SNIP1: variants seen among roughly 807,000 people sequenced by gnomAD.
SNIP1 encodes the protein Smad nuclear interacting protein 1.
SNIP1 carries 23 observed loss-of-function variants against 37.4 expected under a neutral mutation model. The ratio of observed to expected loss-of-function variants is 0.61; its 90% CI spans 0.44 to 0.87. The LOEUF is 0.87. Among genes scored for constraint, SNIP1 ranks in the 40% least tolerant of loss-of-function variants. SNIP1 has a pLI of 0.00. For synonymous variants in SNIP1, 174 were observed against 200.0 expected (o/e 0.87, Z 1.10); for missense variants, 459 against 540.4 (o/e 0.85, Z 1.49).
intron 2 of SNIP1, among the ~76,000 whole-genome samples, chr1:37,550,422 T>C (rs1166588978): frequency 6.6e-6 from 1 of 152,190 alleles, no homozygotes; most frequent in East Asian, 1.9e-4. Flanking sequence ...AGGCAAAAGA[T>C]AGCTGGGCAT....
At position 37,554,224 on chromosome 1, in the gene SNIP1, C is replaced by A; in HGVS notation, c.6G>T (p.Lys2Asn). The A allele has an allele frequency of 6.3e-7, 1 of 1,597,038 alleles. No individual in the cohort carries two copies. The highest frequency in any genetic ancestry group is 2.2e-5 in the East Asian group (1 of 44,636). Reference sequence around the variant, plus strand: ...CTCGCTCCCGTTCGCTCTTCACCGCCTTCATTCTGTGATTTTGGCTGGGCG... The same window carrying A: ...CTCGCTCCCGTTCGCTCTTCACCGCATTCATTCTGTGATTTTGGCTGGGCG... M[K>N]AVKSERERGS... Residue 2 changes from lysine (K) to asparagine (N), a missense_variant, in exon 1 of 4, where the codon AAG (lysine) becomes AAT (asparagine). Lys to Asn is a moderately conservative substitution (Grantham distance 94). Transcript: ENST00000296215.
At chr1:37,552,598 GA>G (rs1197430366) in intron 2 of SNIP1, 46 bp downstream of exon 2, 1 of 1,461,528 alleles carries the variant, frequency 6.8e-7, no homozygotes, top group East Asian at 2.3e-5. Context: ...GCTGTGATAG[GA>G]AAAGGCTCTC....
At position 37,552,697 on chromosome 1, in the gene SNIP1, G is replaced by A. The variant is rs763619535; in HGVS notation, c.275C>T (p.Pro92Leu). 3 of 1,614,040 alleles carry A rather than the reference G, an allele frequency of 1.9e-6. No homozygotes were observed. The highest frequency in any genetic ancestry group is 2.7e-5 in the African/African-American group (2 of 74,912). The change falls in exon 2 of 4, where the codon CCT (proline) becomes CTT (leucine). Residue 92 changes from proline to leucine, a missense_variant. Physicochemically the swap from Pro to Leu is moderately conservative, Grantham distance 98. Coordinates refer to ENST00000296215, the MANE Select transcript of SNIP1 (RefSeq NM_024700.4). ...AGGACTTCGGTTTCTCTTACTGCGA[G>A]GAGACTTGCTTCTTCTCCCTGAGGC... ...NKASGRRSKSPRSKRNRSPHH... is the reference protein window; with the variant it reads ...NKASGRRSKSLRSKRNRSPHH...
intron 2 of SNIP1, chr1:37,541,268 CAT>C (rs1241453585): frequency 2.0e-5 from 3 of 151,816 alleles, no homozygotes; most frequent in Non-Finnish European, 4.4e-5. Context: ...ACATGAAAGA[CAT>C]ATAAGAAGAA....
In SNIP1 at chr1:37,536,684, T is replaced by C. The variant is rs576385963; in HGVS notation, c.*1064A>G. The C allele has an allele frequency of 3.3e-5, 5 of 152,468 alleles. No homozygotes were observed. The South Asian group carries it at 1.0e-3, about 32-fold the overall frequency. 9.4% of individuals were successfully genotyped at this position (152,468 alleles called of 1,614,324 possible). A position where few individuals can be genotyped will look rare whatever the true frequency, so the allele number is the denominator to read the frequency against. On this transcript the variant is annotated 3_prime_UTR_variant, in exon 4 of 4. Transcript: ENST00000296215. ...CACACAATTTACATATATACATACA[T>C]ACACACTATATGTAAGCAGCAAATA...
intron 2 of SNIP1, chr1:37,548,883 AT>A (rs1442838535): frequency 6.6e-6 from 1 of 152,540 alleles, no homozygotes; most frequent in Non-Finnish European, 1.5e-5. Flanking sequence ...TCCCACCATG[AT>A]TGTGAGGCCT....
At chr1:37,543,822 C>A (rs1643198800) in intron 2 of SNIP1, among the ~76,000 whole-genome samples, 1 of 151,702 alleles carries the variant, frequency 6.6e-6, no homozygotes, top group Non-Finnish European at 1.5e-5. Flanking sequence ...TGGAAACAAG[C>A]CACTGAGCAT....
rs1204413463 is a variant in SNIP1 at position 37,534,782 on chromosome 1, G to A, written c.*2966C>T. ...CTGTCCCATACCTCTGCAGAATCAT[G>A]GACCCCCACAGAGGACTTAGGGGAG... On this transcript the variant is annotated 3_prime_UTR_variant, in exon 4 of 4. Coordinates refer to ENST00000296215, the MANE Select transcript of SNIP1 (RefSeq NM_024700.4). The A allele has an allele frequency of 6.6e-6, 1 of 152,148 alleles. No homozygotes were observed. The highest frequency in any genetic ancestry group is 2.4e-5 in the African/African-American group (1 of 41,428). The allele number at this position is 152,148 out of a possible 1,614,324, so 9.4% of individuals were successfully genotyped here.
intron 1 of SNIP1, among the ~76,000 whole-genome samples, chr1:37,553,254 C>T (rs1015135325): frequency 4.6e-5 from 7 of 152,112 alleles, no homozygotes; most frequent in African/African-American, 1.7e-4. Flanking sequence ...GTTTCCTCTG[C>T]CTGGATCTTT....
intron 2 of SNIP1, among the ~76,000 whole-genome samples, chr1:37,549,846 T>C (rs1250425589): frequency 6.6e-6 from 1 of 152,218 alleles, no homozygotes; most frequent in African/African-American, 2.4e-5. Flanking sequence ...AGACTTATTA[T>C]ATAGCTATAG....
At position 37,552,700 on chromosome 1, in the gene SNIP1, G is replaced by C. The variant is rs1320163946; in HGVS notation, c.272C>G (p.Ser91Cys). The stretch of plus-strand genomic sequence containing the variant: ...ACTTCGGTTTCTCTTACTGCGAGGA[G>C]ACTTGCTTCTTCTCCCTGAGGCCTT... ...KNKASGRRSKSPRSKRNRSPH... is the reference protein window; with the variant it reads ...KNKASGRRSKCPRSKRNRSPH... The change falls in exon 2 of 4, where the codon TCT (serine) becomes TGT (cysteine). Residue 91 changes from serine to cysteine, a missense_variant. Ser to Cys is a moderately radical substitution (Grantham distance 112, BLOSUM62 -1). Transcript: ENST00000296215. 6.2e-7 allele frequency: 1 copy of C among 1,614,084 alleles called. No individual in the cohort carries two copies. The highest frequency in any genetic ancestry group is 8.5e-7 in the Non-Finnish European group (1 of 1,180,038).
intron 3 of SNIP1, 150 bp from the exon 4 acceptor site, chr1:37,538,162 A>AG: frequency 1.0e-6 from 1 of 976,748 alleles, no homozygotes. Flanking sequence ...AAAGAAATCA[A>AG]GGGGAAAGCA....
intron 2 of SNIP1, among the ~76,000 whole-genome samples, chr1:37,542,074 G>A (rs1643181528): frequency 6.6e-6 from 1 of 152,154 alleles, no homozygotes; most frequent in Admixed American, 6.5e-5. Flanking sequence ...GCACTTTACA[G>A]CTTCTCTTTA....
At chr1:37,552,307 T>C (rs113924156) in intron 2 of SNIP1, among the ~76,000 whole-genome samples, 48 of 152,308 alleles carry the variant, frequency 3.2e-4, no homozygotes, top group African/African-American at 1.1e-3. Flanking sequence ...CTTGACTATA[T>C]CGATGTCAAT....
Position 37,554,289 on chromosome 1 carries a change from A to AATCAGCATTCTCTTCTTGTCCT in SNIP1, c.-61_-60insAGGACAAGAAGAGAATGCTGAT. On this transcript the variant is annotated 5_prime_UTR_variant, in exon 1 of 4. The change creates a new upstream start codon in the 5' untranslated region. Transcript: ENST00000296215. Reference sequence around the variant, plus strand: ...AGTTGAGCTCCTCTAGCTGGAGGAAATGACGAGTTTAACTCCTGGACTTCC... The same window carrying AATCAGCATTCTCTTCTTGTCCT: ...AGTTGAGCTCCTCTAGCTGGAGGAAAATCAGCATTCTCTTCTTGTCCTTGACGAGTTTAACTCCTGGACTTCC... 6.6e-7 allele frequency: 1 copy of AATCAGCATTCTCTTCTTGTCCT among 1,507,914 alleles called. No individual in the cohort carries two copies. Among genetic ancestry groups the AATCAGCATTCTCTTCTTGTCCT allele is most frequent in the Non-Finnish European group, 8.9e-7 (1 of 1,121,792 alleles). 93.4% of individuals were successfully genotyped at this position (1,507,914 alleles called of 1,614,324 possible). A position where few individuals can be genotyped will look rare whatever the true frequency, so the allele number is the denominator to read the frequency against.
At chr1:37,549,850 G>C (rs1643281496) in intron 2 of SNIP1, among the ~76,000 whole-genome samples, 1 of 152,170 alleles carries the variant, frequency 6.6e-6, no homozygotes, top group Non-Finnish European at 1.5e-5. Context: ...TTATTATATA[G>C]CTATAGTAAT....
intron 2 of SNIP1, among the ~76,000 whole-genome samples, chr1:37,551,674 A>G (rs1643303790): frequency 6.6e-6 from 1 of 152,136 alleles, no homozygotes. Flanking sequence ...TTTTTTCAGG[A>G]GATTCCAAAC....
At chr1:37,539,830 G>A (rs987361451) in intron 3 of SNIP1, among the ~76,000 whole-genome samples, 1 of 152,164 alleles carries the variant, frequency 6.6e-6, no homozygotes, top group African/African-American at 2.4e-5. Flanking sequence ...ACACGCCTGT[G>A]GTCCCAGTTA....
At chr1:37,551,400 C>T (rs1372065734) in intron 2 of SNIP1, among the ~76,000 whole-genome samples, 1 of 152,122 alleles carries the variant, frequency 6.6e-6, no homozygotes, top group East Asian at 1.9e-4. Context: ...ATCATTCATA[C>T]ATTGCTGGTG....
Sources: gnomAD v4.1 joint callset for allele counts (sites outside exome capture counted in the v4.1 genomes callset) on GRCh38, gnomAD v4.1.1 for gene constraint, MANE v1.5 for transcripts, NCBI Gene and HGNC (gene_info 2026-07-23, HGNC 2026-07-21) for gene names.